KIAA1549: variants seen among roughly 807,000 people sequenced by gnomAD.
The protein encoded by KIAA1549 is UPF0606 protein KIAA1549.
KIAA1549 carries 70 observed loss-of-function variants against 156.4 expected under a neutral mutation model. That is an observed-to-expected ratio of 0.45 (90% CI 0.37 to 0.55). The LOEUF (loss-of-function observed/expected upper bound fraction) is 0.55. KIAA1549 is among the 20% of genes least tolerant of loss of function. The probability of loss-of-function intolerance (pLI) is 0.00; values close to 1 mark genes in which losing one functional copy is unlikely to be tolerated. For missense variants in KIAA1549, 2,428 were observed against 2,540.9 expected (o/e 0.96, Z 0.96); for synonymous variants, 1,103 against 1,066.4 (o/e 1.03, Z -0.67).
intron 1 of KIAA1549, among the ~76,000 whole-genome samples, chr7:138,953,680 C>T (rs10500127): frequency 6.6e-6 from 1 of 152,070 alleles, no homozygotes; most frequent in Non-Finnish European, 1.5e-5. Context: ...AGCAGAGACT[C>T]GACAAGAATT....
intron 15 of KIAA1549, among the ~76,000 whole-genome samples, chr7:138,866,894 C>T (rs1464789167): frequency 2.0e-5 from 3 of 152,182 alleles, no homozygotes; most frequent in African/African-American, 7.2e-5. Context: ...CCTCGACCTC[C>T]TGGGCTGAAG....
At chr7:138,929,406 T>C (rs942212071) in intron 1 of KIAA1549, among the ~76,000 whole-genome samples, 4 of 152,354 alleles carry the variant, frequency 2.6e-5, no homozygotes, top group Non-Finnish European at 5.9e-5. Context: ...TCATGTCTTC[T>C]GGCTCTGCTT....
At position 138,840,222 on chromosome 7, in the gene KIAA1549, G is replaced by T. The variant is rs369732459; in HGVS notation, c.5509C>A (p.Pro1837Thr). The T allele has an allele frequency of 8.8e-6, 14 of 1,584,030 alleles. No homozygotes were observed. The African/African-American group carries it at 1.9e-4, about 21-fold the overall frequency. Reference sequence around the variant, plus strand: ...CCTCTGCTTGGCGGGATTTCCACTGGCTGAGCTCCAATTCTGCTGGCAATC... The same window carrying T: ...CCTCTGCTTGGCGGGATTTCCACTGTCTGAGCTCCAATTCTGCTGGCAATC... ...VGIASRIGAQ[P>T]VEIPPSRGSQ... Residue 1837 changes from proline (P) to threonine (T), a missense_variant, in exon 19 of 20, where the codon CCA becomes ACA. Pro to Thr is a conservative substitution (Grantham distance 38). Transcript: ENST00000422774.
intron 8 of KIAA1549, among the ~76,000 whole-genome samples, chr7:138,901,860 C>T (rs1485899340): frequency 6.6e-6 from 1 of 152,182 alleles, no homozygotes; most frequent in Non-Finnish European, 1.5e-5. Flanking sequence ...AGAAGCAGAG[C>T]ATGGCTTATA....
chr7:138,898,400 C>A (rs1563068102), intron 9 of KIAA1549, among the ~76,000 whole-genome samples: 1 of 151,042 alleles, frequency 6.6e-6, no homozygotes, highest in South Asian at 2.1e-4. Flanking sequence ...AACCTTCCAA[C>A]AATAATAAAG....
At chr7:138,844,848 C>T (rs1258821672) in intron 17 of KIAA1549, among the ~76,000 whole-genome samples, 4 of 151,998 alleles carry the variant, frequency 2.6e-5, no homozygotes, top group African/African-American at 9.7e-5. Context: ...AACAGAAACA[C>T]TAGGGGCGAG....
At chr7:138,915,517 C>A (rs1277794931) in intron 2 of KIAA1549, among the ~76,000 whole-genome samples, 1 of 152,052 alleles carries the variant, frequency 6.6e-6, no homozygotes, top group Non-Finnish European at 1.5e-5. Flanking sequence ...TGATCACTGA[C>A]GTGTACCTGC....
At chr7:138,883,416 G>A (rs1294818171) in intron 10 of KIAA1549, among the ~76,000 whole-genome samples, 3 of 150,390 alleles carry the variant, frequency 2.0e-5, no homozygotes, top group East Asian at 2.0e-4. Flanking sequence ...GGGTTCAAGT[G>A]ATTCTCCTGC....
rs528871174 is a variant in KIAA1549 at position 138,907,693 on chromosome 7, C to G, written c.3277-591G>C. On this transcript the variant is annotated intron_variant, in intron 5 of 19. Coordinates refer to ENST00000422774, the MANE Select transcript of KIAA1549 (RefSeq NM_001164665.2). The stretch of plus-strand genomic sequence containing the variant: ...CCTCCGTCCTTCCTAACTGCCACAC[C>G]CAGGCCAACAGAGGTGCTAGCAGCA... Among the ~76,000 whole-genome samples the G allele has an allele frequency of 2.6e-5, 4 of 152,276 alleles. No homozygotes were observed. In the East Asian group the frequency reaches 7.7e-4, roughly 29 times the overall value.
Position 138,919,399 on chromosome 7 carries a change from G to C in KIAA1549, c.227C>G (p.Ser76Cys). The change falls in exon 2 of 20, where the codon TCC becomes TGC. Residue 76 changes from serine to cysteine, a missense_variant. Ser to Cys is a moderately radical substitution (Grantham distance 112). Coordinates refer to ENST00000422774, the MANE Select transcript of KIAA1549 (RefSeq NM_001164665.2). ...GCTTTTCTTCAGCACGAGCTCCATG[G>C]AGTATAAAGAAAGGTTGTGCTGTTC... is the stretch of plus-strand genomic sequence containing the variant. ...SPEQHNLSLY[S>C]MELVLKKSTG... The C allele has an allele frequency of 1.2e-6, 2 of 1,614,010 alleles. No homozygotes were observed. Among genetic ancestry groups the C allele is most frequent in the Non-Finnish European group, 1.7e-6 (2 of 1,179,900 alleles).
intron 10 of KIAA1549, among the ~76,000 whole-genome samples, chr7:138,882,402 G>T (rs1811270948): frequency 6.6e-6 from 1 of 152,150 alleles, no homozygotes; most frequent in South Asian, 2.1e-4. Flanking sequence ...GAGTCATATA[G>T]GAATGATGGC....
At chr7:138,946,570 A>G (rs757341609) in intron 1 of KIAA1549, among the ~76,000 whole-genome samples, 4 of 152,134 alleles carry the variant, frequency 2.6e-5, no homozygotes, top group African/African-American at 4.8e-5. Context: ...ACTTGAGCCC[A>G]GGAGTTCAAG....
chr7:138,908,005 C>G (rs1271517507), intron 5 of KIAA1549, among the ~76,000 whole-genome samples: 2 of 152,124 alleles, frequency 1.3e-5, no homozygotes, highest in African/African-American at 4.8e-5. Context: ...GAGAAGCCCA[C>G]GCTGACATAT....
chr7:138,844,985 T>A (rs1448424978), intron 17 of KIAA1549, among the ~76,000 whole-genome samples: 1 of 152,066 alleles, frequency 6.6e-6, no homozygotes, highest in Admixed American at 6.5e-5. Flanking sequence ...TTACAGACGA[T>A]CCTGCTGTCC....
At chr7:138,862,503 T>TAA (rs1191016536) in intron 15 of KIAA1549, among the ~76,000 whole-genome samples, 2 of 114,620 alleles carry the variant, frequency 1.7e-5, no homozygotes, top group African/African-American at 6.6e-5. Flanking sequence ...CCTAGACTCT[T>TAA]AAAAAAAAAA....
chr7:138,854,868 A>T (rs990643001), intron 16 of KIAA1549, among the ~76,000 whole-genome samples: 1 of 152,220 alleles, frequency 6.6e-6, no homozygotes, highest in East Asian at 1.9e-4. Context: ...CAAATAAGAG[A>T]AATAACAACA....
intron 9 of KIAA1549, among the ~76,000 whole-genome samples, chr7:138,896,283 G>A (rs1416728313): frequency 2.0e-5 from 3 of 152,118 alleles, no homozygotes; most frequent in African/African-American, 4.8e-5. Flanking sequence ...GCTCAAAGAC[G>A]TAATAACAAA....
intron 2 of KIAA1549, among the ~76,000 whole-genome samples, chr7:138,916,083 T>C (rs1217266253): frequency 1.3e-5 from 2 of 152,136 alleles, no homozygotes; most frequent in Non-Finnish European, 2.9e-5. Flanking sequence ...TTTTCTTTCC[T>C]CGGGACCCAA....
At chr7:138,931,378 T>C (rs893195058) in intron 1 of KIAA1549, among the ~76,000 whole-genome samples, 3 of 152,368 alleles carry the variant, frequency 2.0e-5, no homozygotes, top group East Asian at 3.9e-4. Flanking sequence ...TTTTGGATCC[T>C]CATATCTTAT....
Sources: gnomAD v4.1 joint callset for allele counts (sites outside exome capture counted in the v4.1 genomes callset) on GRCh38, gnomAD v4.1.1 for gene constraint, MANE v1.5 for transcripts, NCBI Gene and HGNC (gene_info 2026-07-23, HGNC 2026-07-21) for gene names.